LCK: variants seen among roughly 807,000 people sequenced by gnomAD.
LCK encodes tyrosine-protein kinase Lck.
In LCK, 14 loss-of-function variants were observed where a neutral mutation model predicts 64.6. The ratio of observed to expected loss-of-function variants is 0.22; its 90% CI spans 0.14 to 0.34. The LOEUF is 0.34. Among genes scored for constraint, LCK ranks in the 10% least tolerant of loss-of-function variants. The pLI is 1.00. For missense variants in LCK, 434 were observed against 668.1 expected, an observed-to-expected ratio of 0.65 and a Z score of 3.86; for synonymous variants, 277 against 263.6, an observed-to-expected ratio of 1.05 and a Z score of -0.49.
chr1:32,254,152 G>T (rs1639574248), intron 1 of LCK, among the ~76,000 whole-genome samples: 1 of 152,136 alleles, frequency 6.6e-6, no homozygotes, highest in Non-Finnish European at 1.5e-5. Flanking sequence ...GGAGCTAGGG[G>T]TTTGAGGCTG....
rs764357331 is a variant in LCK, at chr1:32,274,815, C to G, written c.184C>G (p.Gln62Glu). The G allele has an allele frequency of 6.2e-7, 1 of 1,614,036 alleles. No individual in the cohort carries two copies. Among genetic ancestry groups the G allele is most frequent in the South Asian group, 1.1e-5 (1 of 91,074 alleles). ...CTCCAATCCGCCGGCTTCCCCACTG[C>G]AAGGTGACCCCAGGCAGCAGGGCCT... ...EGSNPPASPL[Q>E]DNLVIALHSY... Residue 62 changes from glutamine to glutamate, a missense_variant, in exon 3 of 13, where the codon CAA becomes GAA. By Grantham distance (29) the Gln-to-Glu change is conservative. This residue lies in a region of LCK where 233 missense variants were observed against 291.2 expected (regional missense o/e 0.80). Coordinates refer to ENST00000336890, the MANE Select transcript of LCK (RefSeq NM_005356.5).
Position 32,274,308 on chromosome 1 carries a change from C to G in LCK, c.-5-17C>G. 1 of 1,614,034 alleles carries G rather than the reference C, an allele frequency of 6.2e-7. No homozygotes were observed. Among genetic ancestry groups the G allele is most frequent in the African/African-American group, 1.3e-5 (1 of 75,066 alleles). Reference sequence around the variant, plus strand: ...ATCTTGGGGGAGCCCCTTCAGCCCCCTCTTCCATTCCCTCAGGGACCATGG... The same window carrying G: ...ATCTTGGGGGAGCCCCTTCAGCCCCGTCTTCCATTCCCTCAGGGACCATGG... On this transcript the variant is annotated splice_polypyrimidine_tract_variant and intron_variant, in intron 1 of 12. Transcript: ENST00000336890.
At chr1:32,257,395 A>G (rs1056029348) in intron 1 of LCK, among the ~76,000 whole-genome samples, 5 of 152,022 alleles carry the variant, frequency 3.3e-5, no homozygotes, top group African/African-American at 9.7e-5. Context: ...GACCACAAGC[A>G]TGGGACACAA....
At position 32,276,815 on chromosome 1, in the gene LCK, G is replaced by A. The variant is rs749247352; in HGVS notation, c.964+29G>A. On this transcript the variant is annotated intron_variant, in intron 9 of 12. Transcript: ENST00000336890. The surrounding 1 kb of genome is among the most constrained non-coding windows in gnomAD (Gnocchi z 4.6). Reference sequence around the variant, plus strand: ...GGTGCTACCCGAGTCGGCTACCAGGGGATACTGCTCTCCCTGCTGTCCCTG... The same window carrying A: ...GGTGCTACCCGAGTCGGCTACCAGGAGATACTGCTCTCCCTGCTGTCCCTG... 11 of 1,559,088 alleles carry A rather than the reference G, an allele frequency of 7.1e-6. No homozygotes were observed. The South Asian group carries it at 1.2e-4, about 17-fold the overall frequency.
intron 12 of LCK, among the ~76,000 whole-genome samples, chr1:32,284,241 T>C (rs1640546762): frequency 6.7e-6 from 1 of 149,438 alleles, no homozygotes; most frequent in African/African-American, 2.5e-5. Flanking sequence ...ATAGATTTGA[T>C]GCTTTCTGTG....
chr1:32,285,996 G>T lies in LCK; in HGVS notation c.*280G>T. 4.3e-6 allele frequency: 2 copies of T among 466,756 alleles called. No homozygotes were observed. Among genetic ancestry groups the T allele is most frequent in the Non-Finnish European group, 7.8e-6 (2 of 256,676 alleles). The allele number at this position is 466,756 out of a possible 1,614,324, so 28.9% of individuals were successfully genotyped here. On this transcript the variant is annotated 3_prime_UTR_variant, in exon 13 of 13. Coordinates refer to ENST00000336890, the MANE Select transcript of LCK (RefSeq NM_005356.5). ...CATTTCCTGAGACCACAGAGAGAGG[G>T]GAGAAGCCTGGGATTGACAGAAGCT... is the stretch of plus-strand genomic sequence containing the variant.
intron 1 of LCK, among the ~76,000 whole-genome samples, chr1:32,262,356 C>G (rs1478866635): frequency 2.0e-5 from 3 of 148,504 alleles, no homozygotes; most frequent in African/African-American, 7.4e-5. Flanking sequence ...CAAAAATCAG[C>G]TGGGTGTGGT....
chr1:32,273,156 T>C (rs902319247), intron 1 of LCK, among the ~76,000 whole-genome samples: 2 of 68,368 alleles, frequency 2.9e-5, no homozygotes, highest in African/African-American at 6.0e-5. Flanking sequence ...GGGGGGTGAG[T>C]GTGTGTGTGG....
intron 1 of LCK, among the ~76,000 whole-genome samples, chr1:32,261,210 C>G (rs1190577404): frequency 6.7e-6 from 1 of 150,236 alleles, no homozygotes; most frequent in Non-Finnish European, 1.5e-5. Context: ...GGACTACAGG[C>G]AAATGCCATC....
chr1:32,277,736 G>A (rs570354481), intron 9 of LCK, among the ~76,000 whole-genome samples: 4 of 152,228 alleles, frequency 2.6e-5, no homozygotes, highest in African/African-American at 7.2e-5. Context: ...TGACTGCCTG[G>A]GTCAGAAGCC....
chr1:32,285,803 T>A lies in LCK; in HGVS notation c.*87T>A. On this transcript the variant is annotated 3_prime_UTR_variant, in exon 13 of 13. Transcript: ENST00000336890. The stretch of plus-strand genomic sequence containing the variant: ...GTTCTTGTGCCATAGTCACATGGCC[T>A]ATGCACATATGGACTCTGCACATGA... 1 of 1,339,264 alleles carries A rather than the reference T, an allele frequency of 7.5e-7. No individual in the cohort carries two copies. Among genetic ancestry groups the A allele is most frequent in the Non-Finnish European group, 1.0e-6 (1 of 961,726 alleles). The allele number at this position is 1,339,264 out of a possible 1,614,324, so 83.0% of individuals were successfully genotyped here.
At chr1:32,263,290 G>T (rs1438720959) in intron 1 of LCK, among the ~76,000 whole-genome samples, 1 of 151,912 alleles carries the variant, frequency 6.6e-6, no homozygotes, top group African/African-American at 2.4e-5. Context: ...TACTTGGGAG[G>T]CTCAAACAGG....
intron 1 of LCK, among the ~76,000 whole-genome samples, chr1:32,253,534 G>A (rs1639558149): frequency 6.6e-6 from 1 of 152,080 alleles, no homozygotes; most frequent in Non-Finnish European, 1.5e-5. Context: ...CGCCCACCTC[G>A]GCCCCCCAAA....
chr1:32,264,824 C>T (rs907586019), intron 1 of LCK, among the ~76,000 whole-genome samples: 3 of 152,068 alleles, frequency 2.0e-5, no homozygotes, highest in Middle Eastern at 3.4e-3. Context: ...TCTCAAACTC[C>T]GGGGCTCAAT....
rs1191958326 is a variant in LCK at position 32,275,146 on chromosome 1, C to G, written c.278+63C>G. The G allele has an allele frequency of 6.6e-7, 1 of 1,523,248 alleles. No individual in the cohort carries two copies. The highest frequency in any genetic ancestry group is 9.0e-7 in the Non-Finnish European group (1 of 1,108,564). 94.4% of individuals were successfully genotyped at this position (1,523,248 alleles called of 1,614,324 possible). On this transcript the variant is annotated intron_variant, in intron 4 of 12. Transcript: ENST00000336890. The surrounding 1 kb of genome is among the most constrained non-coding windows in gnomAD (Gnocchi z 6.9). ...AGGGAGCGGCGATCTCCGCGACCCG[C>G]AGCCCTCCTGCGGCCCTTGACCAGC...
Position 32,285,851 on chromosome 1 carries a change from A to G in LCK, c.*135A>G. The G allele has an allele frequency of 2.3e-6, 2 of 863,638 alleles. No homozygotes were observed. Among genetic ancestry groups the G allele is most frequent in the Non-Finnish European group, 3.6e-6 (2 of 551,090 alleles). The allele number at this position is 863,638 out of a possible 1,614,324, so 53.5% of individuals were successfully genotyped here. ...TGAATCCCACCCACATGTGACACAT[A>G]TGCACCTTGTGTCTGTACACGTGTC... On this transcript the variant is annotated 3_prime_UTR_variant, in exon 13 of 13. Transcript: ENST00000336890.
At chr1:32,282,580 T>C (rs1640493805) in intron 12 of LCK, among the ~76,000 whole-genome samples, 2 of 151,726 alleles carry the variant, frequency 1.3e-5, no homozygotes, top group South Asian at 4.2e-4. Flanking sequence ...CTGAGGTGGG[T>C]GGATCACAAG....
At position 32,276,652 on chromosome 1, in the gene LCK, A is replaced by G; in HGVS notation, c.830A>G (p.Gln277Arg). 6.2e-7 allele frequency: 1 copy of G among 1,614,000 alleles called. No individual in the cohort carries two copies. The highest frequency in any genetic ancestry group is 8.5e-7 in the Non-Finnish European group (1 of 1,179,952). The change falls in exon 9 of 13, where the codon CAG becomes CGG. Residue 277 changes from glutamine (Q) to arginine (R), a missense_variant. Gln to Arg is a conservative substitution (Grantham distance 43). Transcript: ENST00000336890. The surrounding 1 kb of genome is among the most constrained non-coding windows in gnomAD (Gnocchi z 4.6). Reference sequence around the variant, plus strand: ...AAGGTGGCGGTGAAGAGCCTGAAGCAGGGCAGCATGTCCCCGGACGCCTTC... The same window carrying G: ...AAGGTGGCGGTGAAGAGCCTGAAGCGGGGCAGCATGTCCCCGGACGCCTTC... ...HTKVAVKSLK[Q>R]GSMSPDAFLA... is the part of the protein sequence containing the mutation.
intron 1 of LCK, among the ~76,000 whole-genome samples, chr1:32,264,299 C>T (rs1273034474): frequency 1.3e-5 from 2 of 152,080 alleles, no homozygotes; most frequent in East Asian, 3.9e-4. Context: ...TTCTCCTAGA[C>T]CTCTCAGCCC....
Sources: gnomAD v4.1 joint callset for allele counts (sites outside exome capture counted in the v4.1 genomes callset) on GRCh38, gnomAD v4.1.1 for gene constraint, gnomAD v4.1.1 regional missense constraint, Gnocchi (gnomAD v3.1) non-coding constraint, MANE v1.5 for transcripts, NCBI Gene and HGNC (gene_info 2026-07-23, HGNC 2026-07-21) for gene names.